The following TSNAXIP1 variants were observed in gnomAD, a reference collection of about 807,000 sequenced individuals.
TSNAXIP1 encodes translin associated factor X interacting protein 1.
In TSNAXIP1, 89 loss-of-function variants were observed where a neutral mutation model predicts 84.8. The observed-to-expected ratio is 1.05, with a 90% CI of 0.88 to 1.25. The LOEUF (loss-of-function observed/expected upper bound fraction) is 1.25, where lower values mean the gene tolerates loss of function less well. Among genes scored for constraint, TSNAXIP1 ranks in the 50% most tolerant of loss-of-function variants. TSNAXIP1 has a pLI of 0.00. For synonymous variants in TSNAXIP1, 347 were observed against 335.2 expected (o/e 1.04, Z -0.39); for missense variants, 874 against 887.6 (o/e 0.98, Z 0.20).
intron 13 of TSNAXIP1, 40 bp from the exon 14 acceptor site, chr16:67,827,209 C>A (rs774759616): frequency 6.2e-7 from 1 of 1,612,954 alleles, no homozygotes; most frequent in South Asian, 1.1e-5. Context: ...CACAAGCAGG[C>A]CTCAGCAGGT....
chr16:67,825,513 C>G (rs2057368360), intron 7 of TSNAXIP1, among the ~76,000 whole-genome samples, 154 bp from the exon 8 acceptor site: 1 of 152,196 alleles, frequency 6.6e-6, no homozygotes, highest in Admixed American at 6.5e-5. Flanking sequence ...GCCTGGTACT[C>G]AGTTTCCTGG....
chr16:67,820,751 A>C, intron 2 of TSNAXIP1, 88 bp from the exon 3 acceptor site: 3 of 1,035,850 alleles, frequency 2.9e-6, no homozygotes, highest in Non-Finnish European at 4.2e-6. Flanking sequence ...CAAAAAAAAA[A>C]AGTCAGGACT....
rs2056989243 is a variant in TSNAXIP1, at chr16:67,820,888, C to T, written c.197C>T (p.Thr66Ile). ...CACCTGTCCCCATGGCCCACATACA[C>T]CAGTGGCCAGACCATTTTGCAAAAT... is the stretch of plus-strand genomic sequence containing the variant. ...GGHLSPWPTY[T>I]SGQTILQNRK... Residue 66 changes from threonine (T) to isoleucine (I), a missense_variant, in exon 3 of 16, where the codon ACC (threonine) becomes ATC (isoleucine). Coordinates refer to ENST00000561639, the MANE Select transcript of TSNAXIP1 (RefSeq NM_001288990.3). 1 of 1,601,452 alleles carries T rather than the reference C, an allele frequency of 6.2e-7. No individual in the cohort carries two copies. Among genetic ancestry groups the T allele is most frequent in the Admixed American group, 1.7e-5 (1 of 58,066 alleles).
intron 7 of TSNAXIP1, 115 bp from the exon 8 acceptor site, chr16:67,825,552 G>C: frequency 2.9e-6 from 4 of 1,399,220 alleles, no homozygotes; most frequent in Non-Finnish European, 3.9e-6. Context: ...GAAACCCTAG[G>C]CTGGTAGTGC....
At chr16:67,821,627 A>G (rs2057065204) in intron 4 of TSNAXIP1, among the ~76,000 whole-genome samples, 3 of 152,094 alleles carry the variant, frequency 2.0e-5, no homozygotes, top group Admixed American at 2.0e-4. Context: ...TCAGACCTTC[A>G]GGGGAGACCC....
At chr16:67,815,904 A>T (rs2056509176) in intron 2 of TSNAXIP1, among the ~76,000 whole-genome samples, 1 of 149,614 alleles carries the variant, frequency 6.7e-6, no homozygotes, top group Non-Finnish European at 1.5e-5. Flanking sequence ...GGTTCAAGTG[A>T]TTATCCTACC....
At chr16:67,827,609 C>A in intron 15 of TSNAXIP1, 30 bp downstream of exon 15, 1 of 1,613,290 alleles carries the variant, frequency 6.2e-7, no homozygotes, top group South Asian at 1.1e-5. Context: ...AGGCGAGTCC[C>A]ACAGGCTGGG....
rs369795844 is a variant in TSNAXIP1, at chr16:67,826,473, G to A, written c.1312G>A (p.Asp438Asn). ...GEAIPAFLRF[D>N]GLVENKKPSK... The stretch of plus-strand genomic sequence containing the variant: ...AGCCATCCCTGCTTTTCTTCGGTTT[G>A]ATGGCCTCGTGGAGAACAAGAAGCC... The change falls in exon 11 of 16, where the codon GAT becomes AAT. Residue 438 changes from aspartate to asparagine, a missense_variant. By Grantham distance (23) the Asp-to-Asn change is conservative (BLOSUM62 1). Coordinates refer to ENST00000561639, the MANE Select transcript of TSNAXIP1 (RefSeq NM_001288990.3). 1 of 1,614,086 alleles carries A rather than the reference G, an allele frequency of 6.2e-7. No homozygotes were observed. Among genetic ancestry groups the A allele is most frequent in the Non-Finnish European group, 8.5e-7 (1 of 1,180,032 alleles).
intron 4 of TSNAXIP1, 135 bp downstream of exon 4, chr16:67,821,360 A>T: frequency 8.9e-7 from 1 of 1,123,108 alleles, no homozygotes; most frequent in Non-Finnish European, 1.2e-6. Context: ...ACCTGAGGTC[A>T]GGAGTTCAAG....
chr16:67,821,005 C>T (rs1323926622), intron 3 of TSNAXIP1, 54 bp downstream of exon 3: 2 of 1,590,258 alleles, frequency 1.3e-6, no homozygotes, highest in East Asian at 4.5e-5. Flanking sequence ...AGGCTTTGGG[C>T]CAGGAGACAG....
rs761039926 is a variant in TSNAXIP1 at position 67,825,159 on chromosome 16, T to C, written c.701T>C (p.Leu234Ser). Residue 234 changes from leucine to serine, a missense_variant, in exon 7 of 16, where the codon TTG becomes TCG. Coordinates refer to ENST00000561639, the MANE Select transcript of TSNAXIP1 (RefSeq NM_001288990.3). ...CAGGTGACCAAACTGAGGAAGAACT[T>C]GGCTGAGGAGTACCTGCACTACCTC... Reference protein sequence around the residue: ...QSEVTKLRKNLAEEYLHYLSE... With the variant: ...QSEVTKLRKNSAEEYLHYLSE... 6 of 1,613,982 alleles carry C rather than the reference T, an allele frequency of 3.7e-6. No individual in the cohort carries two copies. In the South Asian group the frequency reaches 6.6e-5, roughly 18 times the overall value.
At chr16:67,822,037 G>C (rs1285040110) in intron 4 of TSNAXIP1, among the ~76,000 whole-genome samples, 1 of 151,694 alleles carries the variant, frequency 6.6e-6, no homozygotes, top group Non-Finnish European at 1.5e-5. Context: ...CCAGCAGTTT[G>C]GGAGGCCGAG....
intron 1 of TSNAXIP1, among the ~76,000 whole-genome samples, chr16:67,812,576 G>T (rs2056187302): frequency 1.3e-5 from 2 of 151,584 alleles, no homozygotes; most frequent in Non-Finnish European, 2.9e-5. Flanking sequence ...TGAGGCAAGA[G>T]AATTGCTTGA....
Position 67,828,034 on chromosome 16 carries a change from C to T in TSNAXIP1, c.*41C>T. 6.2e-7 allele frequency: 1 copy of T among 1,600,860 alleles called. No homozygotes were observed. The highest frequency in any genetic ancestry group is 8.5e-7 in the Non-Finnish European group (1 of 1,173,716). ...CTGCGTACTCCAGTCCTGCTAACCC[C>T]TAGCTTTTAATATAAAAGTGTTTGT... On this transcript the variant is annotated 3_prime_UTR_variant, in exon 16 of 16. Transcript: ENST00000561639.
At chr16:67,822,171 C>T (rs941840836) in intron 4 of TSNAXIP1, among the ~76,000 whole-genome samples, 1 of 148,508 alleles carries the variant, frequency 6.7e-6, no homozygotes, top group Non-Finnish European at 1.5e-5. Flanking sequence ...CCCAGCTGCT[C>T]GGGAGGCTGA....
intron 5 of TSNAXIP1, among the ~76,000 whole-genome samples, 182 bp from the exon 6 acceptor site, chr16:67,824,401 T>G (rs2057290048): frequency 6.6e-6 from 1 of 152,170 alleles, no homozygotes; most frequent in South Asian, 2.1e-4. Flanking sequence ...TCATCTGAAC[T>G]CTGCCCTTTG....
intron 6 of TSNAXIP1, 36 bp downstream of exon 6, chr16:67,824,815 G>A (rs755088454): frequency 2.1e-5 from 34 of 1,595,652 alleles, no homozygotes; most frequent in Middle Eastern, 1.7e-4. Context: ...CCAAGTCCCC[G>A]AATTCCTGCC....
chr16:67,816,219 G>A (rs1294534977), intron 2 of TSNAXIP1, among the ~76,000 whole-genome samples: 8 of 151,818 alleles, frequency 5.3e-5, no homozygotes, highest in African/African-American at 1.2e-4. Context: ...CGCCCGCCTC[G>A]GCCTCCCAAA....
chr16:67,825,060 A>C, intron 6 of TSNAXIP1, 77 bp from the exon 7 acceptor site: 2 of 1,562,180 alleles, frequency 1.3e-6, no homozygotes, highest in Non-Finnish European at 1.7e-6. Context: ...CCCAGAACCC[A>C]GCCCACTCCC....
Sources: gnomAD v4.1 joint callset for allele counts (sites outside exome capture counted in the v4.1 genomes callset) on GRCh38, gnomAD v4.1.1 for gene constraint, MANE v1.5 for transcripts, NCBI Gene and HGNC (gene_info 2026-07-23, HGNC 2026-07-21) for gene names.